MATN4: variants seen among roughly 807,000 people sequenced by gnomAD.
MATN4 encodes matrilin 4.
In MATN4, 40 loss-of-function variants were observed where a neutral mutation model predicts 54.6. The ratio of observed to expected loss-of-function variants is 0.73; its 90% CI spans 0.57 to 0.95. MATN4 has a LOEUF of 0.95. Ranked by LOEUF, MATN4 falls within the 40% of genes least tolerant of loss-of-function variation. MATN4 has a pLI of 0.00. For synonymous variants in MATN4, 351 were observed against 345.3 expected (o/e 1.02, Z -0.18); for missense variants, 810 against 819.1 (o/e 0.99, Z 0.13).
chr20:45,307,838 T>C (rs936552001), intron 1 of MATN4, among the ~76,000 whole-genome samples: 1 of 152,000 alleles, frequency 6.6e-6, no homozygotes, highest in African/African-American at 2.4e-5. Context: ...GAGGAGTTAA[T>C]CCTTGCATTA....
chr20:45,297,949 C>G lies in MATN4; in HGVS notation c.1548G>C (p.Leu516=). The G allele has an allele frequency of 1.9e-6, 3 of 1,614,224 alleles. No homozygotes were observed. The highest frequency in any genetic ancestry group is 2.5e-6 in the Non-Finnish European group (3 of 1,180,040). The part of the protein sequence containing the change: ...YAPDFGTMTH[L]LENLRGSICP... ...AGATGCTGCCTCTGAGGTTCTCCAG[C>G]AGGTGCGTCATGGTGCCGAAGTCCG... The change falls in exon 8 of 10, where the codon CTG becomes CTC. Residue 516 remains leucine (L), a synonymous_variant. Transcript: ENST00000372756.
chr20:45,307,008 C>T (rs917595630), intron 1 of MATN4: 4 of 1,006,862 alleles, frequency 4.0e-6, no homozygotes, highest in Middle Eastern at 2.9e-4. Flanking sequence ...ACCACCCCCC[C>T]ACCCCCTCCC....
rs368514164 is a variant in MATN4 at position 45,308,251 on chromosome 20, G to A, written c.-111C>T. 27 of 1,606,024 alleles carry A rather than the reference G, an allele frequency of 1.7e-5. No individual in the cohort carries two copies. Among genetic ancestry groups the A allele is most frequent in the Non-Finnish European group, 2.3e-5 (27 of 1,172,728 alleles). On this transcript the variant is annotated 5_prime_UTR_variant, in exon 1 of 10. Coordinates refer to ENST00000372756, the MANE Select transcript of MATN4 (RefSeq NM_001393530.1). ...CGGAGCCTCCCGGGCACTTGGACCA[G>A]GTAACGGCGGCGTGGCAGCGTGCCC...
upstream of MATN4, chr20:45,308,531 C>A: frequency 2.1e-6 from 1 of 473,578 alleles, no homozygotes; most frequent in Non-Finnish European, 3.9e-6. Flanking sequence ...AGCCACACTC[C>A]ACAGCCGGAA....
chr20:45,306,997 G>GGCCCCC, intron 1 of MATN4: 2 of 1,127,932 alleles, frequency 1.8e-6, no homozygotes, highest in Non-Finnish European at 2.3e-6. Flanking sequence ...AACTACGAAG[G>GGCCCCC]ACCACCCCCC....
At chr20:45,302,455 C>A (rs575788153) in intron 3 of MATN4, among the ~76,000 whole-genome samples, 2 of 152,250 alleles carry the variant, frequency 1.3e-5, no homozygotes, top group Non-Finnish European at 2.9e-5. Context: ...ATTGAATAAG[C>A]GAGGTATTCT....
rs764251923 is a variant in MATN4, at chr20:45,298,389, C to T, written c.1207G>A (p.Gly403Ser). Residue 403 changes from glycine (G) to serine (S), a missense_variant, in exon 7 of 10, where the codon GGC becomes AGC. Gly to Ser is a moderately conservative substitution (Grantham distance 56). Coordinates refer to ENST00000372756, the MANE Select transcript of MATN4 (RefSeq NM_001393530.1). This position sits in a 1 kb window ranked among gnomAD's most constrained non-coding sequence, Gnocchi z 4.6. ...GCCTGCTTCACCTCGGCTGCGGTGC[C>T]GTAGCGACCCAGAGGGAACTCGGTG... ...VRTEFPLGRY[G>S]TAAEVKQAVL... The T allele has an allele frequency of 5.6e-6, 9 of 1,612,362 alleles. No homozygotes were observed. Among genetic ancestry groups the T allele is most frequent in the Non-Finnish European group, 6.8e-6 (8 of 1,179,264 alleles).
At position 45,308,235 on chromosome 20, in the gene MATN4, C is replaced by T; in HGVS notation, c.-95G>A. ...GAGCGAAGCCGACAGGCGGAGCCTC[C>T]CGGGCACTTGGACCAGGTAACGGCG... is the stretch of plus-strand genomic sequence containing the variant. On this transcript the variant is annotated 5_prime_UTR_variant, in exon 1 of 10. Coordinates refer to ENST00000372756, the MANE Select transcript of MATN4 (RefSeq NM_001393530.1). 1 of 1,613,302 alleles carries T rather than the reference C, an allele frequency of 6.2e-7. No homozygotes were observed. The highest frequency in any genetic ancestry group is 8.5e-7 in the Non-Finnish European group (1 of 1,179,228).
At position 45,298,450 on chromosome 20, in the gene MATN4, C is replaced by T. The variant is rs2145647892; in HGVS notation, c.1146G>A (p.Thr382=). The stretch of plus-strand genomic sequence containing the variant: ...TCGAGAACTGCACCAGCCCCACCCG[C>T]GTGCCCTCGGGGGACACATCTAGGA... ...VDFLDVSPEG[T]RVGLVQFSSR... The change falls in exon 7 of 10, where the codon ACG becomes ACA. Residue 382 remains threonine (T), a synonymous_variant. Transcript: ENST00000372756. This position sits in a 1 kb window ranked among gnomAD's most constrained non-coding sequence, Gnocchi z 4.6. The T allele has an allele frequency of 6.2e-7, 1 of 1,613,766 alleles. No individual in the cohort carries two copies. Among genetic ancestry groups the T allele is most frequent in the Non-Finnish European group, 8.5e-7 (1 of 1,179,996 alleles).
rs763095983 is a variant in MATN4, at chr20:45,298,225, C to G, written c.1371G>C (p.Thr457=). 1.2e-6 allele frequency: 2 copies of G among 1,606,898 alleles called. No homozygotes were observed. The highest frequency in any genetic ancestry group is 1.7e-6 in the Non-Finnish European group (2 of 1,174,880). ...LNVPRVGLVF[T]DGRSQDDISV... Reference sequence around the variant, plus strand: ...AGATGTCATCCTGGGAGCGGCCATCCGTGAAGACCAGGCCAACACGAGGCA... The same window carrying G: ...AGATGTCATCCTGGGAGCGGCCATCGGTGAAGACCAGGCCAACACGAGGCA... Residue 457 remains threonine (T), a synonymous_variant, in exon 7 of 10, where the codon ACG becomes ACC. Coordinates refer to ENST00000372756, the MANE Select transcript of MATN4 (RefSeq NM_001393530.1). This position sits in a 1 kb window ranked among gnomAD's most constrained non-coding sequence, Gnocchi z 4.6.
Position 45,293,565 on chromosome 20 carries a change from C to A in MATN4, c.*202G>T, listed in dbSNP as rs1201737510. ...AGCACGTGCCCCTTCCCTCACCACC[C>A]GCTATCCCCCTGACGCCGCAGTCCG... On this transcript the variant is annotated 3_prime_UTR_variant, in exon 10 of 10. Transcript: ENST00000372756. The A allele has an allele frequency of 1.5e-5, 8 of 539,266 alleles. No individual in the cohort carries two copies. Among genetic ancestry groups the A allele is most frequent in the Non-Finnish European group, 2.6e-5 (8 of 310,804 alleles). The allele number at this position is 539,266 out of a possible 1,614,324, so 33.4% of individuals were successfully genotyped here.
chr20:45,302,134 G>C (rs925249058), intron 3 of MATN4, among the ~76,000 whole-genome samples: 4 of 152,128 alleles, frequency 2.6e-5, no homozygotes, highest in Non-Finnish European at 5.9e-5. Flanking sequence ...CATGTGCAGG[G>C]TTGAGAAATG....
chr20:45,303,267 A>G, intron 3 of MATN4: 1 of 609,972 alleles, frequency 1.6e-6, no homozygotes, highest in Non-Finnish European at 3.1e-6. Context: ...AGGCCTGTAA[A>G]GTGATGGAGG....
In MATN4 at chr20:45,293,499, C is replaced by G. The variant is rs1985598951; in HGVS notation, c.*268G>C. 2 of 421,274 alleles carry G rather than the reference C, an allele frequency of 4.7e-6. No homozygotes were observed. The highest frequency in any genetic ancestry group is 4.4e-5 in the Admixed American group (1 of 22,860). 26.1% of individuals were successfully genotyped at this position (421,274 alleles called of 1,614,324 possible). A position where few individuals can be genotyped will look rare whatever the true frequency, so the allele number is the denominator to read the frequency against. On this transcript the variant is annotated 3_prime_UTR_variant, in exon 10 of 10. Coordinates refer to ENST00000372756, the MANE Select transcript of MATN4 (RefSeq NM_001393530.1). ...TTAAGAACACAAACAAGAAATCCAA[C>G]AAAGAACTGAGCGCAGCACGCGGCG...
At chr20:45,296,709 G>A (rs573411110) in intron 8 of MATN4, among the ~76,000 whole-genome samples, 1 of 152,274 alleles carries the variant, frequency 6.6e-6, no homozygotes, top group East Asian at 1.9e-4. Context: ...TAATCTGAAA[G>A]AGCCACAATA....
chr20:45,300,140 A>G (rs1378233320), intron 6 of MATN4, among the ~76,000 whole-genome samples: 1 of 152,190 alleles, frequency 6.6e-6, no homozygotes, highest in Non-Finnish European at 1.5e-5. Context: ...AGTCTACAGT[A>G]CTTTGATATA....
chr20:45,301,790 G>A (rs984938653), intron 3 of MATN4, among the ~76,000 whole-genome samples: 1 of 151,360 alleles, frequency 6.6e-6, no homozygotes, highest in Non-Finnish European at 1.5e-5. Context: ...GGACTGGAGA[G>A]AAGATAATTA....
chr20:45,296,881 G>C (rs558411383), intron 8 of MATN4, among the ~76,000 whole-genome samples: 7 of 151,512 alleles, frequency 4.6e-5, no homozygotes, highest in Admixed American at 3.3e-4. Context: ...TTTTGAGACA[G>C]GGTCTCACTC....
At position 45,293,622 on chromosome 20, in the gene MATN4, A is replaced by T; in HGVS notation, c.*145T>A. 1.4e-6 allele frequency: 1 copy of T among 715,278 alleles called. No individual in the cohort carries two copies. The highest frequency in any genetic ancestry group is 2.2e-6 in the Non-Finnish European group (1 of 458,292). 44.3% of individuals were successfully genotyped at this position (715,278 alleles called of 1,614,324 possible). A position where few individuals can be genotyped will look rare whatever the true frequency, so the allele number is the denominator to read the frequency against. The stretch of plus-strand genomic sequence containing the variant: ...GGTCCGGGCGAGGCCAACTCAGCTC[A>T]ATGCCGGAAGCCCGCCAGCGCCTCC... On this transcript the variant is annotated 3_prime_UTR_variant, in exon 10 of 10. Coordinates refer to ENST00000372756, the MANE Select transcript of MATN4 (RefSeq NM_001393530.1).
Sources: gnomAD v4.1 joint callset for allele counts (sites outside exome capture counted in the v4.1 genomes callset) on GRCh38, gnomAD v4.1.1 for gene constraint, Gnocchi (gnomAD v3.1) non-coding constraint, MANE v1.5 for transcripts, NCBI Gene and HGNC (gene_info 2026-07-23, HGNC 2026-07-21) for gene names.